Variants in FAAH2 observed in about 807,000 individuals in gnomAD.
FAAH2 encodes the protein fatty-acid amide hydrolase 2.
Under a neutral mutation model 36.9 loss-of-function variants are expected in FAAH2, and 60 were observed. The ratio of observed to expected loss-of-function variants is 1.63; its 90% CI spans 1.32 to 2.02. The LOEUF (loss-of-function observed/expected upper bound fraction) is 2.02. Among genes scored for constraint, FAAH2 ranks in the 30% most tolerant of loss-of-function variants. FAAH2 has a pLI of 0.00. For synonymous variants in FAAH2, 214 were observed against 143.8 expected (o/e 1.49, Z -3.49); for missense variants, 689 against 397.5 (o/e 1.73, Z -6.23).
At chrX:57,454,119 C>A (rs984080115) in intron 10 of FAAH2, among the ~76,000 whole-genome samples, 4 of 65,179 alleles carry the variant, frequency 6.1e-5, no homozygotes, top group African/African-American at 1.4e-4. Flanking sequence ...ACCGAAGAGC[C>A]CTGAAAGAGA....
the FAAH2 span, among the ~76,000 whole-genome samples, chrX:57,228,743 C>A: frequency 8.9e-6 from 1 of 111,912 alleles, no homozygotes; most frequent in South Asian, 3.8e-4. Context: ...CTGTCTGACA[C>A]CTCTTTAGTT....
At chrX:57,138,111 G>T in the FAAH2 span, among the ~76,000 whole-genome samples, 2 of 111,982 alleles carry the variant, frequency 1.8e-5, no homozygotes, top group Non-Finnish European at 3.8e-5. Context: ...AGAAGTATTG[G>T]CTTATTTTAA....
At chrX:57,459,938 T>TC (rs982972666) in intron 10 of FAAH2, among the ~76,000 whole-genome samples, 5 of 110,601 alleles carry the variant, frequency 4.5e-5, no homozygotes, top group Admixed American at 1.9e-4. Context: ...ATGCCTCTTC[T>TC]CCCCCAAGTG....
At chrX:57,341,423 CT>C (rs1269387080) in intron 5 of FAAH2, 33 bp downstream of exon 5, 1 of 1,184,607 alleles carries the variant, frequency 8.4e-7, no homozygotes, top group Non-Finnish European at 1.1e-6. Flanking sequence ...GGTGGTTCTA[CT>C]TTTATAATTC....
chrX:57,411,859 G>A (rs1417064025), intron 7 of FAAH2, among the ~76,000 whole-genome samples: 1 of 111,756 alleles, frequency 8.9e-6, no homozygotes, highest in Non-Finnish European at 1.9e-5. Flanking sequence ...CCACCAGGGT[G>A]CTACACCTAG....
intron 7 of FAAH2, among the ~76,000 whole-genome samples, chrX:57,398,954 C>A (rs1402504792): frequency 5.4e-5 from 6 of 111,225 alleles, no homozygotes; most frequent in Non-Finnish European, 9.4e-5. Context: ...CTAATTGCTT[C>A]CTGCTGAATT....
chrX:57,168,106 A>C, the FAAH2 span, among the ~76,000 whole-genome samples: 1 of 111,880 alleles, frequency 8.9e-6, no homozygotes, highest in South Asian at 3.7e-4. Context: ...ATGCTTAAAA[A>C]TATAGACTAG....
chrX:57,224,215 C>T, the FAAH2 span, among the ~76,000 whole-genome samples: 2 of 111,769 alleles, frequency 1.8e-5, no homozygotes, highest in African/African-American at 6.5e-5. Context: ...CCTGTTAACA[C>T]CTTTTTGTCC....
intron 9 of FAAH2, among the ~76,000 whole-genome samples, chrX:57,447,986 C>A (rs1268071383): frequency 8.9e-6 from 1 of 111,955 alleles, no homozygotes; most frequent in Non-Finnish European, 1.9e-5. Flanking sequence ...ATTTTCCAAA[C>A]GTTTATTCTC....
chrX:57,488,851 C>T lies in FAAH2; in HGVS notation c.1518C>T (p.Pro506=), dbSNP rs149959990. Residue 506 remains proline (P), a synonymous_variant, in exon 11 of 11, where the codon CCC becomes CCT. Coordinates refer to ENST00000374900, the MANE Select transcript of FAAH2 (RefSeq NM_174912.4). ...TAGGCATCCAGGTTGTGGCTGGACCCTTTAATGATCATCTGACCCTGGCTG... is the reference window on the plus strand; with the variant it reads ...TAGGCATCCAGGTTGTGGCTGGACCTTTTAATGATCATCTGACCCTGGCTG... ...LPLGIQVVAG[P]FNDHLTLAVA... The T allele has an allele frequency of 4.1e-6, 5 of 1,209,236 alleles. No individual in the cohort carries two copies. In the African/African-American group the frequency reaches 8.8e-5, roughly 21 times the overall value.
chrX:57,187,209 T>C, the FAAH2 span, among the ~76,000 whole-genome samples: 1 of 111,757 alleles, frequency 8.9e-6, no homozygotes, highest in East Asian at 2.8e-4. Context: ...ATCAATTTTT[T>C]TTCCATTTGT....
chrX:57,476,299 C>A (rs957611989), intron 10 of FAAH2, among the ~76,000 whole-genome samples: 1 of 110,911 alleles, frequency 9.0e-6, no homozygotes, highest in Non-Finnish European at 1.9e-5. Flanking sequence ...ATGCTTCCAG[C>A]TTTTACCCAT....
rs147878092 is a variant in FAAH2, at chrX:57,382,071, C to G, written c.996+1042C>G. Among the ~76,000 whole-genome samples the G allele has an allele frequency of 1.2e-3, 133 of 111,459 alleles. 1 individual carries two copies. The East Asian group carries it at 0.015, about 12-fold the overall frequency. ...GAAACTGAACAACCTGCTCCTGAATCACTACTGGGTACATAACGAAATGAA... is the reference window on the plus strand; with the variant it reads ...GAAACTGAACAACCTGCTCCTGAATGACTACTGGGTACATAACGAAATGAA... On this transcript the variant is annotated intron_variant, in intron 7 of 10. Coordinates refer to ENST00000374900, the MANE Select transcript of FAAH2 (RefSeq NM_174912.4).
At chrX:57,190,444 GAAAA>G in the FAAH2 span, among the ~76,000 whole-genome samples, 7 of 68,950 alleles carry the variant, frequency 1.0e-4, no homozygotes, top group East Asian at 1.5e-3. Context: ...CACTGTGGTA[GAAAA>G]AAAAAAAAAA....
At chrX:57,468,243 T>G (rs1358842800) in intron 10 of FAAH2, among the ~76,000 whole-genome samples, 1 of 111,868 alleles carries the variant, frequency 8.9e-6, no homozygotes, top group African/African-American at 3.3e-5. Context: ...CAAAGCTGGA[T>G]GGAGAATGAC....
At chrX:57,472,937 C>T (rs1356582072) in intron 10 of FAAH2, among the ~76,000 whole-genome samples, 1 of 110,531 alleles carries the variant, frequency 9.0e-6, no homozygotes, top group Non-Finnish European at 1.9e-5. Context: ...TTTCATTAGT[C>T]CTGCTAGGGG....
At chrX:57,288,859 T>A (rs765886048) in intron 1 of FAAH2, among the ~76,000 whole-genome samples, 3 of 111,518 alleles carry the variant, frequency 2.7e-5, no homozygotes, top group African/African-American at 6.5e-5. Flanking sequence ...AGCCATTTTT[T>A]ATTCATGCTT....
the FAAH2 span, among the ~76,000 whole-genome samples, chrX:57,254,257 C>T: frequency 4.5e-5 from 5 of 111,849 alleles, no homozygotes; most frequent in Non-Finnish European, 9.4e-5. Flanking sequence ...AATACAGGAG[C>T]ACCCAGATTC....
the FAAH2 span, among the ~76,000 whole-genome samples, chrX:57,164,153 G>A: frequency 2.7e-5 from 3 of 112,064 alleles, no homozygotes; most frequent in Admixed American, 9.4e-5. Context: ...GGTTGGATCA[G>A]TAAAAACAGT....
Sources: gnomAD v4.1 joint callset for allele counts (sites outside exome capture counted in the v4.1 genomes callset) on GRCh38, gnomAD v4.1.1 for gene constraint, MANE v1.5 for transcripts, NCBI Gene and HGNC (gene_info 2026-07-23, HGNC 2026-07-21) for gene names.